Variants in RBFOX1 observed in about 807,000 individuals in gnomAD.
RBFOX1 encodes the protein RNA binding fox-1 homolog 1, also known as RNA binding protein fox-1 homolog 1.
RBFOX1 carries 8 observed loss-of-function variants against 57.7 expected under a neutral mutation model. That is an observed-to-expected ratio of 0.14 (90% CI 0.08 to 0.25). RBFOX1 has a LOEUF of 0.25. RBFOX1 is among the 10% of genes least tolerant of loss of function. The pLI is 1.00. For synonymous variants in RBFOX1, 326 were observed against 222.4 expected, an observed-to-expected ratio of 1.47 and a Z score of -4.15; for missense variants, 611 against 548.5, an observed-to-expected ratio of 1.11 and a Z score of -1.14.
intron 4 of RBFOX1, among the ~76,000 whole-genome samples, chr16:7,093,701 G>C (rs2061239717): frequency 6.6e-6 from 1 of 152,162 alleles, no homozygotes; most frequent in Non-Finnish European, 1.5e-5. Flanking sequence ...TGCAGACTTT[G>C]TCTGGCAGAG....
intron 1 of RBFOX1, among the ~76,000 whole-genome samples, chr16:6,253,281 A>G (rs1286344041): frequency 6.6e-6 from 1 of 152,164 alleles, no homozygotes; most frequent in Non-Finnish European, 1.5e-5. Flanking sequence ...TCTTTCCTTC[A>G]TCATCGCCAT....
intron 2 of RBFOX1, among the ~76,000 whole-genome samples, chr16:5,539,106 T>G (rs1355843819): frequency 1.3e-5 from 2 of 152,142 alleles, no homozygotes; most frequent in Non-Finnish European, 2.9e-5. Context: ...TCTTGTGTCT[T>G]TCCGAGGGCA....
chr16:5,505,690 G>A (rs2043354582), intron 2 of RBFOX1, among the ~76,000 whole-genome samples: 1 of 152,166 alleles, frequency 6.6e-6, no homozygotes, highest in Non-Finnish European at 1.5e-5. Context: ...TGAATTGTGT[G>A]ACAAAAGATA....
chr16:7,440,820 G>T (rs540219253), intron 4 of RBFOX1, among the ~76,000 whole-genome samples: 1 of 152,222 alleles, frequency 6.6e-6, no homozygotes, highest in African/African-American at 2.4e-5. Flanking sequence ...CAGCCCTCAA[G>T]GGGGCTACAA....
intron 2 of RBFOX1, among the ~76,000 whole-genome samples, chr16:6,364,531 A>G (rs567331059): frequency 6.6e-6 from 1 of 152,188 alleles, no homozygotes; most frequent in African/African-American, 2.4e-5. Context: ...TCAGCTGGCC[A>G]TTTTTCCCCA....
intron 4 of RBFOX1, among the ~76,000 whole-genome samples, chr16:7,357,301 A>G (rs1186113460): frequency 1.3e-5 from 2 of 152,136 alleles, no homozygotes; most frequent in Admixed American, 1.3e-4. Context: ...CTTGGTTATC[A>G]TCATTATACT....
At chr16:7,115,468 A>G (rs2065691384) in intron 4 of RBFOX1, among the ~76,000 whole-genome samples, 2 of 152,220 alleles carry the variant, frequency 1.3e-5, no homozygotes, top group South Asian at 4.1e-4. Context: ...TGAGAGTCCG[A>G]AAGCATGTTT....
intron 2 of RBFOX1, among the ~76,000 whole-genome samples, chr16:5,467,665 T>C (rs762640838): frequency 2.0e-5 from 3 of 152,188 alleles, no homozygotes; most frequent in African/African-American, 4.8e-5. Flanking sequence ...AAGAATATAA[T>C]TGAACCAAAC....
chr16:6,651,150 C>T (rs986574626), intron 2 of RBFOX1, among the ~76,000 whole-genome samples: 1 of 152,166 alleles, frequency 6.6e-6, no homozygotes, highest in Admixed American at 6.5e-5. Flanking sequence ...GATCCACCCG[C>T]CTCAGTCTCC....
At chr16:7,213,672 A>C (rs116769408) in intron 4 of RBFOX1, among the ~76,000 whole-genome samples, 3,223 of 152,236 alleles carry the variant, frequency 0.021, 111 homozygotes, top group African/African-American at 0.074. Context: ...TAATAATCCT[A>C]ACAGCCCTGA....
At chr16:6,514,766 G>A (rs893540445) in intron 2 of RBFOX1, among the ~76,000 whole-genome samples, 1 of 152,056 alleles carries the variant, frequency 6.6e-6, no homozygotes, top group Non-Finnish European at 1.5e-5. Context: ...TAAGGAGGAA[G>A]GGGTGGAGGA....
At chr16:5,617,094 A>T (rs974072762) in intron 3 of RBFOX1, among the ~76,000 whole-genome samples, 2 of 148,338 alleles carry the variant, frequency 1.3e-5, no homozygotes, top group African/African-American at 5.0e-5. Flanking sequence ...TCCCTCCCTC[A>T]CTCCCTCCTT....
intron 2 of RBFOX1, among the ~76,000 whole-genome samples, chr16:5,534,209 G>C (rs1285433894): frequency 6.6e-6 from 1 of 152,168 alleles, no homozygotes; most frequent in Non-Finnish European, 1.5e-5. Context: ...TTCAGCTTTA[G>C]TGGTGGGTGT....
At chr16:5,952,379 G>C (rs1474790945) in intron 4 of RBFOX1, among the ~76,000 whole-genome samples, 1 of 152,080 alleles carries the variant, frequency 6.6e-6, no homozygotes, top group Non-Finnish European at 1.5e-5. Context: ...TCAAATTCCT[G>C]ACCTCAAGCG....
At chr16:6,172,125 G>C (rs753971096) in intron 1 of RBFOX1, among the ~76,000 whole-genome samples, 7 of 152,050 alleles carry the variant, frequency 4.6e-5, no homozygotes, top group Non-Finnish European at 1.0e-4. Flanking sequence ...CCAGCTAGCT[G>C]TTTTTTTATC....
intron 3 of RBFOX1, among the ~76,000 whole-genome samples, chr16:6,959,485 A>G (rs1274585311): frequency 6.6e-6 from 1 of 151,928 alleles, no homozygotes; most frequent in Non-Finnish European, 1.5e-5. Context: ...ATCTCAAGGG[A>G]GTATCTTTTT....
At chr16:6,832,086 ACTG>A (rs763453713) in intron 3 of RBFOX1, among the ~76,000 whole-genome samples, 2 of 152,240 alleles carry the variant, frequency 1.3e-5, no homozygotes, top group Non-Finnish European at 2.9e-5. Flanking sequence ...TGTAGACAAA[ACTG>A]AATGCTATTT....
intron 2 of RBFOX1, among the ~76,000 whole-genome samples, chr16:6,493,987 G>C (rs2095697652): frequency 3.3e-5 from 5 of 152,234 alleles, no homozygotes; most frequent in African/African-American, 1.2e-4. Flanking sequence ...GATACAGAGA[G>C]AAGGTTGGCG....
At chr16:6,765,111 G>A (rs996362374) in intron 3 of RBFOX1, among the ~76,000 whole-genome samples, 23 of 152,048 alleles carry the variant, frequency 1.5e-4, no homozygotes, top group African/African-American at 5.6e-4. Context: ...CGTGCTCTAG[G>A]CTGATGGAAC....
Sources: gnomAD v4.1 joint callset for allele counts (sites outside exome capture counted in the v4.1 genomes callset) on GRCh38, gnomAD v4.1.1 for gene constraint, MANE v1.5 for transcripts, NCBI Gene and HGNC (gene_info 2026-07-23, HGNC 2026-07-21) for gene names.